The following WHAMM variants were observed in gnomAD, a reference collection of about 807,000 sequenced individuals.
The protein encoded by WHAMM is WASP homolog-associated protein with actin, membranes and microtubules.
In WHAMM, 67 loss-of-function variants were observed where a neutral mutation model predicts 76.5. That is an observed-to-expected ratio of 0.88 (90% CI 0.72 to 1.07). WHAMM has a LOEUF of 1.07. Among genes scored for constraint, WHAMM ranks in the 50% least tolerant of loss-of-function variants. WHAMM has a pLI of 0.00. For missense variants in WHAMM, 1,021 were observed against 1,051.1 expected (o/e 0.97, Z 0.40); for synonymous variants, 419 against 422.1 (o/e 0.99, Z 0.09).
intron 5 of WHAMM, among the ~76,000 whole-genome samples, chr15:82,821,237 T>C (rs1462924183): frequency 1.3e-5 from 2 of 152,224 alleles, no homozygotes; most frequent in Admixed American, 1.3e-4. Flanking sequence ...CTTTCAGAAA[T>C]ATTTAATTTT....
intron 8 of WHAMM, among the ~76,000 whole-genome samples, chr15:82,830,196 CTTTT>C (rs35705469): frequency 1.5e-5 from 2 of 137,158 alleles, no homozygotes; most frequent in Non-Finnish European, 1.6e-5. Flanking sequence ...CTTTTTATGG[CTTTT>C]TTTTTTTTTG....
intron 2 of WHAMM, among the ~76,000 whole-genome samples, chr15:82,815,644 GT>G (rs1200977288): frequency 3.3e-5 from 5 of 152,274 alleles, no homozygotes; most frequent in African/African-American, 1.2e-4. Context: ...CTGCCAGACA[GT>G]TTTCCAAAGT....
At chr15:82,810,520 C>T (rs2050610534) in intron 1 of WHAMM, 185 bp downstream of exon 1, 4 of 985,302 alleles carry the variant, frequency 4.1e-6, no homozygotes, top group Admixed American at 6.1e-5. Flanking sequence ...GCGGGAGCTG[C>T]GGGAGGGTCT....
chr15:82,830,930 C>T lies in WHAMM; in HGVS notation c.1973C>T (p.Pro658Leu). The change falls in exon 9 of 10, where the codon CCT becomes CTT. Residue 658 changes from proline (P) to leucine (L), a missense_variant. By Grantham distance (98) the Pro-to-Leu change is moderately conservative. Transcript: ENST00000286760. Reference sequence around the variant, plus strand: ...CCGCCACCGCCGCCCCCACCCCCTCCTCTCCGTGCTCTGTCCTCATCCTCT... The same window carrying T: ...CCGCCACCGCCGCCCCCACCCCCTCTTCTCCGTGCTCTGTCCTCATCCTCT... Reference protein sequence around the residue: ...PPPPPPPPPPPLRALSSSSQA... With the variant: ...PPPPPPPPPPLLRALSSSSQA... The T allele has an allele frequency of 6.2e-7, 1 of 1,609,552 alleles. No individual in the cohort carries two copies. The highest frequency in any genetic ancestry group is 8.5e-7 in the Non-Finnish European group (1 of 1,178,548).
At chr15:82,812,917 T>C (rs1449222601) in intron 1 of WHAMM, among the ~76,000 whole-genome samples, 186 bp from the exon 2 acceptor site, 1 of 152,228 alleles carries the variant, frequency 6.6e-6, no homozygotes, top group Non-Finnish European at 1.5e-5. Flanking sequence ...ATCATACTTT[T>C]CTTAACCATT....
chr15:82,814,680 G>A lies in WHAMM; in HGVS notation c.783+1404G>A, dbSNP rs201414816. Among the ~76,000 whole-genome samples, 15 of 151,576 alleles carry A rather than the reference G, an allele frequency of 9.9e-5. No homozygotes were observed. In the East Asian group the frequency reaches 2.5e-3, roughly 26 times the overall value. On this transcript the variant is annotated intron_variant, in intron 2 of 9. Coordinates refer to ENST00000286760, the MANE Select transcript of WHAMM (RefSeq NM_001080435.3). ...TTGGTCAGGCTGGTCTCGAACTCCC[G>A]ACCTCAGGTGATCTGCCTGCCTTGG...
intron 6 of WHAMM, among the ~76,000 whole-genome samples, chr15:82,824,725 C>T (rs1377543713): frequency 6.6e-6 from 1 of 152,238 alleles, no homozygotes. Flanking sequence ...CTCAGCCTCC[C>T]AAAGTTCTGG....
chr15:82,822,993 CAG>C (rs1449625069), intron 5 of WHAMM, 105 bp from the exon 6 acceptor site: 11 of 927,752 alleles, frequency 1.2e-5, no homozygotes, highest in African/African-American at 5.1e-5. Context: ...TAGTGCTTCT[CAG>C]TGGTGGGATT....
chr15:82,834,175 T>TA lies in WHAMM; in HGVS notation c.*640dup, dbSNP rs2051092108. ...TCTCAGCCTCCCGAGTAGCTGGGAT[T>TA]ACAGGCATGCACCACCACGCCTGGC... On this transcript the variant is annotated 3_prime_UTR_variant, in exon 10 of 10. Transcript: ENST00000286760. 6.5e-6 allele frequency: 1 copy of TA among 152,720 alleles called. No homozygotes were observed. The highest frequency in any genetic ancestry group is 2.4e-5 in the African/African-American group (1 of 41,438). 9.5% of individuals were successfully genotyped at this position (152,720 alleles called of 1,614,324 possible).
chr15:82,833,422 A>C lies in WHAMM; in HGVS notation c.2316A>C (p.Arg772Ser). 1.2e-6 allele frequency: 2 copies of C among 1,614,002 alleles called. No individual in the cohort carries two copies. The highest frequency in any genetic ancestry group is 1.7e-6 in the Non-Finnish European group (2 of 1,179,902). ...CCAGCAGCAAACCAACCAGCAACAGACGCACCAGTGACCTTGAGAGGAGCA... is the reference window on the plus strand; with the variant it reads ...CCAGCAGCAAACCAACCAGCAACAGCCGCACCAGTGACCTTGAGAGGAGCA... ...PNPSSKPTSN[R>S]RTSDLERSIK... The change falls in exon 10 of 10, where the codon AGA becomes AGC. Residue 772 changes from arginine to serine, a missense_variant. This residue lies in a region of WHAMM where 509 missense variants were observed against 492.3 expected (regional missense o/e 1.03). Transcript: ENST00000286760.
At position 82,810,131 on chromosome 15, in the gene WHAMM, G is replaced by T. The variant is rs921785563; in HGVS notation, c.405G>T (p.Ala135=). 2.2e-6 allele frequency: 3 copies of T among 1,355,164 alleles called. No individual in the cohort carries two copies. The highest frequency in any genetic ancestry group is 2.9e-6 in the Non-Finnish European group (3 of 1,047,294). 83.9% of individuals were successfully genotyped at this position (1,355,164 alleles called of 1,614,324 possible). Residue 135 remains alanine (A), a synonymous_variant, in exon 1 of 10, where the codon GCG becomes GCT. Transcript: ENST00000286760. ...GGGCGCTGCTGTGGCCGACGCGCGC[G>T]GGTCCCGGCGAGGCGGCGCTGCAGG... The part of the protein sequence containing the change: ...GLWALLWPTR[A]GPGEAALQEL...
intron 5 of WHAMM, among the ~76,000 whole-genome samples, chr15:82,820,745 A>C (rs1475073403): frequency 6.6e-6 from 1 of 151,980 alleles, no homozygotes; most frequent in Non-Finnish European, 1.5e-5. Flanking sequence ...AAATACAAAA[A>C]TTAGCTGGGC....
At chr15:82,817,896 T>C in intron 3 of WHAMM, 24 bp from the exon 4 acceptor site, 8 of 1,486,778 alleles carry the variant, frequency 5.4e-6, no homozygotes, top group Non-Finnish European at 7.2e-6. Flanking sequence ...GGTGTAATTA[T>C]ATTTTATTTT....
chr15:82,819,895 G>A (rs2050790397), intron 5 of WHAMM, among the ~76,000 whole-genome samples: 1 of 152,150 alleles, frequency 6.6e-6, no homozygotes, highest in African/African-American at 2.4e-5. Flanking sequence ...GGTGGCACGT[G>A]CCTGTAATCC....
At chr15:82,826,024 T>C (rs2059844291) in intron 6 of WHAMM, among the ~76,000 whole-genome samples, 1 of 152,218 alleles carries the variant, frequency 6.6e-6, no homozygotes, top group Admixed American at 6.5e-5. Context: ...TTTTCAGGTA[T>C]TTGTAGGTTG....
intron 8 of WHAMM, among the ~76,000 whole-genome samples, chr15:82,830,196 CTT>C (rs35705469): frequency 7.3e-5 from 10 of 137,074 alleles, no homozygotes; most frequent in Admixed American, 7.3e-5. Context: ...CTTTTTATGG[CTT>C]TTTTTTTTTT....
Position 82,819,310 on chromosome 15 carries a change from C to G in WHAMM, c.1105-13C>G. ...TTATTTTAACTTATTTTTCTTTTTT[C>G]TATGAAAATAAGATGGAAGATCTTC... On this transcript the variant is annotated splice_polypyrimidine_tract_variant and intron_variant, in intron 4 of 9. Transcript: ENST00000286760. 9.9e-7 allele frequency: 1 copy of G among 1,007,102 alleles called. No individual in the cohort carries two copies. The highest frequency in any genetic ancestry group is 1.3e-6 in the Non-Finnish European group (1 of 746,828). The allele number at this position is 1,007,102 out of a possible 1,614,324, so 62.4% of individuals were successfully genotyped here. A position where few individuals can be genotyped will look rare whatever the true frequency, so the allele number is the denominator to read the frequency against.
Position 82,810,212 on chromosome 15 carries a change from C to T in WHAMM, c.486C>T (p.Gly162=), listed in dbSNP as rs778132962. ...YLGAAADGCG[G]ATVRDALFPA... is the part of the protein sequence containing the mutation. ...GCGCGGCGGCCGACGGCTGCGGCGG[C>T]GCCACAGTGCGCGACGCACTCTTCC... The change falls in exon 1 of 10, where the codon GGC becomes GGT. Residue 162 remains glycine (G), a synonymous_variant. Coordinates refer to ENST00000286760, the MANE Select transcript of WHAMM (RefSeq NM_001080435.3). 5.0e-6 allele frequency: 7 copies of T among 1,411,822 alleles called. No individual in the cohort carries two copies. In the Admixed American group the frequency reaches 1.3e-4, roughly 26 times the overall value. The allele number at this position is 1,411,822 out of a possible 1,614,324, so 87.5% of individuals were successfully genotyped here. A position where few individuals can be genotyped will look rare whatever the true frequency, so the allele number is the denominator to read the frequency against.
intron 6 of WHAMM, among the ~76,000 whole-genome samples, chr15:82,825,618 C>T (rs2050917508): frequency 6.6e-6 from 1 of 152,080 alleles, no homozygotes; most frequent in Non-Finnish European, 1.5e-5. Flanking sequence ...TTCGAGCTCA[C>T]AGTTTTCTCA....
Sources: gnomAD v4.1 joint callset for allele counts (sites outside exome capture counted in the v4.1 genomes callset) on GRCh38, gnomAD v4.1.1 for gene constraint, gnomAD v4.1.1 regional missense constraint, MANE v1.5 for transcripts, NCBI Gene and HGNC (gene_info 2026-07-23, HGNC 2026-07-21) for gene names.